USH2A: variants seen among roughly 807,000 people sequenced by gnomAD.
The protein encoded by USH2A is Usher syndrome 2A (autosomal recessive, mild).
USH2A carries 443 observed loss-of-function variants against 538.9 expected under a neutral mutation model. The ratio of observed to expected loss-of-function variants is 0.82; its 90% CI spans 0.76 to 0.89. USH2A has a LOEUF of 0.89. USH2A is among the 40% of genes least tolerant of loss of function. USH2A has a pLI of 0.00. For missense variants in USH2A, 6,633 were observed against 6,324.8 expected (o/e 1.05, Z -1.65); for synonymous variants, 2,413 against 2,273.5 (o/e 1.06, Z -1.75).
In USH2A at chr1:216,232,051, G is replaced by C; in HGVS notation, c.2895C>G (p.Ser965Arg). The C allele has an allele frequency of 1.9e-6, 3 of 1,614,020 alleles. No homozygotes were observed. The East Asian group carries it at 6.7e-5, about 36-fold the overall frequency. The change falls in exon 14 of 72, where the codon AGC (serine) becomes AGG (arginine). Residue 965 changes from serine to arginine, a missense_variant. Ser to Arg is a moderately radical substitution (Grantham distance 110). Transcript: ENST00000307340. ...TTGAVNHICN[S>R]LTGQCVCQDA... ...CTTGGCAAACACACTGACCAGTCAG[G>C]CTATTACAGATGTGATTAACTGCAC...
chr1:215,874,996 A>G (rs1254383876), intron 43 of USH2A, among the ~76,000 whole-genome samples: 11 of 152,234 alleles, frequency 7.2e-5, no homozygotes, highest in Non-Finnish European at 1.3e-4. Context: ...ACTCAGCTTC[A>G]TCCCCCTCTG....
intron 40 of USH2A, among the ~76,000 whole-genome samples, chr1:215,899,630 A>G (rs544077425): frequency 6.6e-6 from 1 of 152,294 alleles, no homozygotes; most frequent in Non-Finnish European, 1.5e-5. Context: ...TCTTTGGGGT[A>G]TGAGTAGAAG....
At chr1:215,879,887 G>A (rs545447765) in intron 41 of USH2A, among the ~76,000 whole-genome samples, 1 of 152,260 alleles carries the variant, frequency 6.6e-6, no homozygotes, top group East Asian at 1.9e-4. Context: ...CACAGGCCAT[G>A]ACAAAAATCA....
At chr1:216,314,687 T>C (rs900600207) in intron 9 of USH2A, among the ~76,000 whole-genome samples, 2 of 152,192 alleles carry the variant, frequency 1.3e-5, no homozygotes, top group African/African-American at 4.8e-5. Context: ...AGGCTTATTA[T>C]ATAAAAAGTT....
At chr1:215,997,890 C>T (rs1285046403) in intron 34 of USH2A, among the ~76,000 whole-genome samples, 2 of 152,112 alleles carry the variant, frequency 1.3e-5, no homozygotes, top group Non-Finnish European at 2.9e-5. Context: ...AACACCTAGG[C>T]ACATGGAGTC....
rs181030063 is a variant in USH2A, at chr1:215,799,522, A to C, written c.9740-397T>G. 2.8e-4 allele frequency among the ~76,000 whole-genome samples: 43 copies of C among 152,338 alleles called. No homozygotes were observed. In the East Asian group the frequency reaches 7.9e-3, roughly 28 times the overall value. ...TTATGACTATAATTTCCTTGACCAA[A>C]CTATATTTGTTCAACCAAACAAAAT... is the stretch of plus-strand genomic sequence containing the variant. On this transcript the variant is annotated intron_variant, in intron 49 of 71. Transcript: ENST00000307340.
chr1:215,901,009 A>G (rs1665484582), intron 38 of USH2A, 104 bp from the exon 39 acceptor site: 3 of 1,378,268 alleles, frequency 2.2e-6, no homozygotes, highest in Non-Finnish European at 2.0e-6. Context: ...CCTCAGGATC[A>G]ACAACAATGT....
chr1:215,929,415 T>C (rs1666309887), intron 38 of USH2A, among the ~76,000 whole-genome samples: 2 of 152,030 alleles, frequency 1.3e-5, no homozygotes, highest in South Asian at 4.1e-4. Flanking sequence ...CTAATATGCA[T>C]CACAACCACC....
intron 3 of USH2A, among the ~76,000 whole-genome samples, chr1:216,375,709 T>C (rs533819641): frequency 3.7e-4 from 56 of 152,272 alleles, no homozygotes; most frequent in African/African-American, 1.3e-3. Context: ...AACTTGGCTG[T>C]TTGGTGCAAG....
chr1:216,281,082 G>A (rs2036765774), intron 11 of USH2A, among the ~76,000 whole-genome samples: 1 of 152,030 alleles, frequency 6.6e-6, no homozygotes, highest in Admixed American at 6.6e-5. Flanking sequence ...ATTTAGGTAA[G>A]GTAGACTTGA....
At chr1:215,824,783 T>C (rs1234477962) in intron 47 of USH2A, among the ~76,000 whole-genome samples, 1 of 152,146 alleles carries the variant, frequency 6.6e-6, no homozygotes, top group Non-Finnish European at 1.5e-5. Context: ...TCCACTTCAA[T>C]CGCACTTTTC....
chr1:216,332,368 A>G (rs544439246), intron 4 of USH2A, among the ~76,000 whole-genome samples: 2 of 152,306 alleles, frequency 1.3e-5, no homozygotes, highest in African/African-American at 4.8e-5. Context: ...CAGAAGAAAC[A>G]ACAAACAATC....
At chr1:216,344,384 A>C (rs2038134889) in intron 4 of USH2A, among the ~76,000 whole-genome samples, 1 of 152,062 alleles carries the variant, frequency 6.6e-6, no homozygotes. Flanking sequence ...GCAAACAAGA[A>C]GCCACCACAT....
intron 35 of USH2A, among the ~76,000 whole-genome samples, chr1:215,980,091 T>A: frequency 6.6e-6 from 1 of 152,314 alleles, no homozygotes; most frequent in East Asian, 1.9e-4. Context: ...ATAAAATATT[T>A]AAATTAAAAA....
chr1:215,646,592 T>A (rs1656859468), intron 67 of USH2A, among the ~76,000 whole-genome samples: 1 of 152,092 alleles, frequency 6.6e-6, no homozygotes, highest in African/African-American at 2.4e-5. Flanking sequence ...AGTGGCGTGA[T>A]CTCGGCTCAC....
chr1:216,309,931 G>C (rs899740636), intron 9 of USH2A, among the ~76,000 whole-genome samples: 17 of 151,992 alleles, frequency 1.1e-4, no homozygotes, highest in African/African-American at 4.1e-4. Flanking sequence ...TTTACACATT[G>C]CTTAATAGTT....
chr1:216,004,232 AT>A (rs1668339269), intron 32 of USH2A, among the ~76,000 whole-genome samples: 1 of 152,146 alleles, frequency 6.6e-6, no homozygotes, highest in Non-Finnish European at 1.5e-5. Flanking sequence ...ATGGCTTGAG[AT>A]ATATAATTTG....
intron 11 of USH2A, among the ~76,000 whole-genome samples, chr1:216,263,214 C>A (rs530840741): frequency 1.3e-5 from 2 of 152,206 alleles, no homozygotes; most frequent in South Asian, 4.1e-4. Context: ...AGAACTAATA[C>A]CATTTTTTCT....
chr1:216,262,884 A>G (rs1066188), intron 11 of USH2A, among the ~76,000 whole-genome samples: 96,114 of 151,702 alleles, frequency 0.63, 30,811 homozygotes, highest in East Asian at 0.72. Flanking sequence ...TTGACAAACC[A>G]TTAGCTAGAC....
Sources: allele counts gnomAD v4.1 joint callset (sites outside exome capture counted in the v4.1 genomes callset), GRCh38; gene constraint gnomAD v4.1.1; transcripts MANE v1.5; gene names NCBI Gene and HGNC (gene_info 2026-07-23, HGNC 2026-07-21).